Variants in SLC26A8 observed in about 807,000 individuals in gnomAD.
SLC26A8 encodes the protein testis anion transporter 1.
Under a neutral mutation model 105.0 loss-of-function variants are expected in SLC26A8, and 70 were observed. The ratio of observed to expected loss-of-function variants is 0.67; its 90% CI spans 0.55 to 0.81. SLC26A8 has a LOEUF of 0.81. Ranked by LOEUF, SLC26A8 falls within the 40% of genes least tolerant of loss-of-function variation. The pLI, the probability that SLC26A8 is intolerant of heterozygous loss-of-function variation, is 0.00. For synonymous variants in SLC26A8, 415 were observed against 438.3 expected, an observed-to-expected ratio of 0.95 and a Z score of 0.66; for missense variants, 998 against 1,181.8, an observed-to-expected ratio of 0.84 and a Z score of 2.28.
At position 35,959,446 on chromosome 6, in the gene SLC26A8, A is replaced by C; in HGVS notation, c.1863+14T>G. On this transcript the variant is annotated intron_variant, in intron 16 of 19. Coordinates refer to ENST00000490799, the MANE Select transcript of SLC26A8 (RefSeq NM_052961.4). ...ATATGGAGAAAAACATAGGAAAGAAAAGGCATTTCTAACCCTGGGCAGCGG... is the reference window on the plus strand; with the variant it reads ...ATATGGAGAAAAACATAGGAAAGAACAGGCATTTCTAACCCTGGGCAGCGG... The C allele has an allele frequency of 6.3e-7, 1 of 1,589,046 alleles. No homozygotes were observed. The highest frequency in any genetic ancestry group is 8.5e-7 in the Non-Finnish European group (1 of 1,173,266).
intron 16 of SLC26A8, among the ~76,000 whole-genome samples, chr6:35,956,793 C>T (rs1009768641): frequency 1.3e-5 from 2 of 151,900 alleles, no homozygotes; most frequent in African/African-American, 2.4e-5. Flanking sequence ...GTGGTGCATG[C>T]CTGTAATCCC....
At chr6:36,019,405 T>C (rs2127376546) in intron 2 of SLC26A8, 115 bp downstream of exon 2, 1 of 1,127,350 alleles carries the variant, frequency 8.9e-7, no homozygotes, top group East Asian at 2.7e-5. Flanking sequence ...CACAATAAAC[T>C]GCATGATTCT....
intron 17 of SLC26A8, among the ~76,000 whole-genome samples, chr6:35,952,028 G>C (rs1179633027): frequency 6.6e-6 from 1 of 152,192 alleles, no homozygotes. Context: ...GAATCAGACC[G>C]TGTCATGTGA....
chr6:35,982,229 TG>T, intron 7 of SLC26A8, 26 bp from the exon 8 acceptor site: 1 of 1,563,512 alleles, frequency 6.4e-7, no homozygotes. Flanking sequence ...AAAGAAGGGA[TG>T]GGGGCATATG....
chr6:35,967,847 T>C (rs747204609), intron 11 of SLC26A8, among the ~76,000 whole-genome samples: 22 of 152,172 alleles, frequency 1.4e-4, no homozygotes, highest in Non-Finnish European at 2.6e-4. Flanking sequence ...TAATAATAAC[T>C]TAATTTTATT....
chr6:35,971,452 T>G (rs1192420470), intron 10 of SLC26A8, among the ~76,000 whole-genome samples: 2 of 152,150 alleles, frequency 1.3e-5, no homozygotes, highest in Non-Finnish European at 2.9e-5. Context: ...CCCTCAGGCA[T>G]CAATTGCTCC....
chr6:36,011,248 G>A (rs565134426), intron 3 of SLC26A8, among the ~76,000 whole-genome samples: 73 of 152,290 alleles, frequency 4.8e-4, no homozygotes, highest in African/African-American at 1.6e-3. Context: ...CTGTGTTACC[G>A]GGCAGAATTG....
chr6:36,020,891 G>T (rs1762112376), intron 1 of SLC26A8, among the ~76,000 whole-genome samples: 1 of 152,184 alleles, frequency 6.6e-6, no homozygotes, highest in Non-Finnish European at 1.5e-5. Context: ...CTGCAGATAA[G>T]TTTAATGTGT....
intron 12 of SLC26A8, among the ~76,000 whole-genome samples, chr6:35,962,296 C>G (rs1036532800): frequency 6.6e-6 from 1 of 151,758 alleles, no homozygotes; most frequent in South Asian, 2.1e-4. Context: ...TTGGATGTAA[C>G]TGTAGCCACT....
chr6:36,020,712 G>A (rs1030680714), intron 1 of SLC26A8, among the ~76,000 whole-genome samples: 7 of 152,106 alleles, frequency 4.6e-5, no homozygotes, highest in African/African-American at 1.2e-4. Flanking sequence ...CTGGGAGAAA[G>A]TATAACCAGT....
At chr6:36,013,029 C>T (rs550618732) in intron 2 of SLC26A8, among the ~76,000 whole-genome samples, 1 of 152,256 alleles carries the variant, frequency 6.6e-6, no homozygotes, top group African/African-American at 2.4e-5. Context: ...TGGCCTTGAC[C>T]TGTGACATGT....
rs779642415 is a variant in SLC26A8 at position 36,019,681 on chromosome 6, GA to G, written c.26del (p.Ile9ThrfsTer41). 6.2e-7 allele frequency: 1 copy of G among 1,613,900 alleles called. No individual in the cohort carries two copies. Among genetic ancestry groups the G allele is most frequent in the East Asian group, 2.2e-5 (1 of 44,868 alleles). On this transcript the variant is annotated frameshift_variant, in exon 2 of 20. Coordinates refer to ENST00000490799, the MANE Select transcript of SLC26A8 (RefSeq NM_052961.4). LOFTEE classifies it high-confidence loss of function. ...GCCTGGACTTAGAGCTGAAGCCAGA[GA>G]TGGCGCTCCTCTCTAGTTGTGCCAT... MAQLERSA[I>X]SGFSSKSRRN...
intron 2 of SLC26A8, among the ~76,000 whole-genome samples, chr6:36,018,062 T>G (rs941806957): frequency 2.0e-5 from 3 of 152,208 alleles, no homozygotes; most frequent in Non-Finnish European, 4.4e-5. Context: ...ATGGAAAAAT[T>G]GTACATTGCC....
chr6:35,994,861 G>A (rs531388071), intron 5 of SLC26A8, among the ~76,000 whole-genome samples: 27 of 152,312 alleles, frequency 1.8e-4, no homozygotes, highest in Non-Finnish European at 3.4e-4. Context: ...ACAGGCGTGA[G>A]CCACTGTGGC....
intron 7 of SLC26A8, among the ~76,000 whole-genome samples, chr6:35,985,555 T>C (rs1451155681): frequency 6.6e-6 from 1 of 151,574 alleles, no homozygotes; most frequent in Non-Finnish European, 1.5e-5. Context: ...TAGCCAGGCA[T>C]GGTGGTGTGT....
intron 2 of SLC26A8, among the ~76,000 whole-genome samples, chr6:36,013,185 G>A (rs114423560): frequency 5.3e-5 from 8 of 151,862 alleles, no homozygotes; most frequent in Non-Finnish European, 7.4e-5. Flanking sequence ...TGTACATGTG[G>A]CAATGTCCAG....
intron 19 of SLC26A8, 69 bp downstream of exon 19, chr6:35,951,094 A>ACCCCACACCCCAACCC: frequency 1.5e-6 from 1 of 666,678 alleles, no homozygotes; most frequent in Non-Finnish European, 2.3e-6. Context: ...GCCCCCAACC[A>ACCCCACACCCCAACCC]CCCCTCACCC....
At chr6:35,951,869 C>A (rs1193637442) in intron 17 of SLC26A8, among the ~76,000 whole-genome samples, 8 of 152,224 alleles carry the variant, frequency 5.3e-5, no homozygotes, top group Non-Finnish European at 8.8e-5. Context: ...GGCCACTGCA[C>A]CCAGCCAATT....
intron 4 of SLC26A8, 127 bp from the exon 5 acceptor site, chr6:35,998,046 C>A: frequency 2.3e-6 from 2 of 852,908 alleles, no homozygotes; most frequent in Non-Finnish European, 1.8e-6. Context: ...TTGAAAGTGG[C>A]CATTGAGAAG....
Sources: gnomAD v4.1 joint callset for allele counts (sites outside exome capture counted in the v4.1 genomes callset) on GRCh38, gnomAD v4.1.1 for gene constraint, MANE v1.5 for transcripts, NCBI Gene and HGNC (gene_info 2026-07-23, HGNC 2026-07-21) for gene names.